Variants in GRIA4 observed in about 807,000 individuals in gnomAD.
GRIA4 encodes glutamate ionotropic receptor AMPA type subunit 4, also known as glutamate receptor 4.
GRIA4 carries 34 observed loss-of-function variants against 104.0 expected under a neutral mutation model. The ratio of observed to expected loss-of-function variants is 0.33; its 90% confidence interval spans 0.25 to 0.44. The LOEUF is 0.44. Ranked by LOEUF, GRIA4 falls within the 20% of genes least tolerant of loss-of-function variation. The pLI is 1.00. For synonymous variants in GRIA4, 386 were observed against 381.9 expected (o/e 1.01, Z -0.13); for missense variants, 750 against 1,096.5 (o/e 0.68, Z 4.46).
At chr11:105,857,133 C>T (rs548234310) in intron 4 of GRIA4, among the ~76,000 whole-genome samples, 5 of 152,090 alleles carry the variant, frequency 3.3e-5, no homozygotes, top group Non-Finnish European at 7.4e-5. Flanking sequence ...GGCCTTTGAA[C>T]ATGTTATTTC....
At chr11:105,841,095 A>AT (rs1479148485) in intron 4 of GRIA4, among the ~76,000 whole-genome samples, 1 of 152,138 alleles carries the variant, frequency 6.6e-6, no homozygotes, top group Non-Finnish European at 1.5e-5. Context: ...CAAAATTCAG[A>AT]TGATTAGCAC....
chr11:105,638,344 C>T (rs528718533), intron 3 of GRIA4, among the ~76,000 whole-genome samples: 2 of 152,164 alleles, frequency 1.3e-5, no homozygotes, highest in Non-Finnish European at 2.9e-5. Flanking sequence ...GGAGCATCCA[C>T]AAACAAGGCC....
intron 4 of GRIA4, among the ~76,000 whole-genome samples, chr11:105,828,350 T>G (rs909380488): frequency 6.6e-6 from 1 of 151,990 alleles, no homozygotes; most frequent in South Asian, 2.1e-4. Flanking sequence ...ACAAATGACA[T>G]AGCCAAGCAT....
At chr11:105,627,977 CTCAA>C (rs1206550550) in intron 3 of GRIA4, among the ~76,000 whole-genome samples, 1 of 152,118 alleles carries the variant, frequency 6.6e-6, no homozygotes, top group African/African-American at 2.4e-5. Flanking sequence ...TGACTTGCCA[CTCAA>C]TCACATATTA....
At position 105,847,397 on chromosome 11, in the gene GRIA4, G is replaced by A. The variant is rs527683071; in HGVS notation, c.488-14627G>A. Among the ~76,000 whole-genome samples the A allele has an allele frequency of 2.6e-5, 4 of 152,236 alleles. No individual in the cohort carries two copies. In the East Asian group the frequency reaches 7.7e-4, roughly 29 times the overall value. On this transcript the variant is annotated intron_variant, in intron 4 of 16. Coordinates refer to ENST00000282499, the MANE Select transcript of GRIA4 (RefSeq NM_000829.4). ...GGTAGGGGTCTGCAGATCACGGGTT[G>A]GGGACCTCTGCATTAGAGCACAAGC...
At chr11:105,800,640 G>C (rs1218948903) in intron 4 of GRIA4, among the ~76,000 whole-genome samples, 1 of 151,998 alleles carries the variant, frequency 6.6e-6, no homozygotes, top group Admixed American at 6.6e-5. Flanking sequence ...GATGCATTCT[G>C]AATGAATAAG....
At chr11:105,797,920 T>C (rs1419220133) in intron 4 of GRIA4, 2 of 407,962 alleles carry the variant, frequency 4.9e-6, no homozygotes, top group Non-Finnish European at 9.9e-6. Context: ...CATACATTTT[T>C]GGAATGAGCT....
chr11:105,862,458 C>A, intron 5 of GRIA4: 1 of 318,508 alleles, frequency 3.1e-6, no homozygotes, highest in South Asian at 4.7e-5. Context: ...GAGTGAAAGA[C>A]TCTGTGTGAA....
At chr11:105,825,061 T>C (rs1056819340) in intron 4 of GRIA4, among the ~76,000 whole-genome samples, 1 of 152,098 alleles carries the variant, frequency 6.6e-6, no homozygotes, top group Non-Finnish European at 1.5e-5. Context: ...ATTTATGGTC[T>C]CAAAGATGGA....
intron 3 of GRIA4, among the ~76,000 whole-genome samples, chr11:105,678,669 CA>C (rs1952617905): frequency 6.6e-6 from 1 of 151,786 alleles, no homozygotes. Flanking sequence ...AGTGTTTTTC[CA>C]AAAAAGCTTC....
At chr11:105,633,539 T>A (rs1951093411) in intron 3 of GRIA4, among the ~76,000 whole-genome samples, 1 of 152,184 alleles carries the variant, frequency 6.6e-6, no homozygotes, top group South Asian at 2.1e-4. Flanking sequence ...GCTGTGAATC[T>A]GCAGATCAAG....
chr11:105,723,173 G>C (rs1375854412), intron 3 of GRIA4, among the ~76,000 whole-genome samples: 1 of 152,032 alleles, frequency 6.6e-6, no homozygotes, highest in Non-Finnish European at 1.5e-5. Context: ...CAATGAGAAA[G>C]GAAATGCTGG....
At chr11:105,770,339 T>A (rs1006375386) in intron 4 of GRIA4, among the ~76,000 whole-genome samples, 1 of 152,102 alleles carries the variant, frequency 6.6e-6, no homozygotes, top group Non-Finnish European at 1.5e-5. Context: ...ATATAAGAAA[T>A]GTGTTGGTCA....
At chr11:105,798,384 G>T (rs1420887422) in intron 4 of GRIA4, among the ~76,000 whole-genome samples, 2 of 152,092 alleles carry the variant, frequency 1.3e-5, no homozygotes, top group Non-Finnish European at 2.9e-5. Context: ...CCCTGAGTGA[G>T]CAAGCAGCTT....
chr11:105,796,272 T>A (rs1377551305), intron 4 of GRIA4, among the ~76,000 whole-genome samples: 1 of 152,206 alleles, frequency 6.6e-6, no homozygotes, highest in East Asian at 1.9e-4. Context: ...ACCATGTGTT[T>A]ATTTATTTGG....
At position 105,903,826 on chromosome 11, in the gene GRIA4, C is replaced by T; in HGVS notation, c.898C>T (p.Leu300=). ...SETPPKYTSA[L]TYDGVLVMAE... is the part of the protein sequence containing the mutation. Reference sequence around the variant, plus strand: ...TTCATTTGGTTAGTACACCTCTGCTCTGACTTATGATGGAGTCCTTGTGAT... The same window carrying T: ...TTCATTTGGTTAGTACACCTCTGCTTTGACTTATGATGGAGTCCTTGTGAT... Residue 300 remains leucine (L), a synonymous_variant, in exon 8 of 17, where the codon CTG becomes TTG. Coordinates refer to ENST00000282499, the MANE Select transcript of GRIA4 (RefSeq NM_000829.4). 1.9e-6 allele frequency: 3 copies of T among 1,609,196 alleles called. No homozygotes were observed. Among genetic ancestry groups the T allele is most frequent in the Non-Finnish European group, 2.6e-6 (3 of 1,175,512 alleles).
intron 14 of GRIA4, among the ~76,000 whole-genome samples, chr11:105,962,950 A>G (rs779913187): frequency 5.3e-5 from 8 of 152,162 alleles, no homozygotes; most frequent in Non-Finnish European, 8.8e-5. Flanking sequence ...TATTACAGTG[A>G]CACTGATATA....
chr11:105,668,189 A>G (rs1299408303), intron 3 of GRIA4, among the ~76,000 whole-genome samples: 1 of 87,076 alleles, frequency 1.1e-5, no homozygotes, highest in Non-Finnish European at 2.2e-5. Flanking sequence ...ATAATACTCC[A>G]TTGCATATAC....
At chr11:105,693,686 C>A (rs768143786) in intron 3 of GRIA4, among the ~76,000 whole-genome samples, 3 of 152,018 alleles carry the variant, frequency 2.0e-5, no homozygotes, top group Non-Finnish European at 4.4e-5. Context: ...TCTTTCCTTC[C>A]TAAATATGGA....
Sources: allele counts gnomAD v4.1 joint callset (sites outside exome capture counted in the v4.1 genomes callset), GRCh38; gene constraint gnomAD v4.1.1; transcripts MANE v1.5; gene names NCBI Gene and HGNC (gene_info 2026-07-23, HGNC 2026-07-21).